Variants in CSMD1 observed in about 807,000 individuals in gnomAD.
The protein encoded by CSMD1 is CUB and sushi domain-containing protein 1.
CSMD1 carries 213 observed loss-of-function variants against 417.5 expected under a neutral mutation model. The observed-to-expected ratio is 0.51, with a 90% CI of 0.46 to 0.57. The LOEUF is 0.57. CSMD1 is among the 20% of genes least tolerant of loss of function. CSMD1 has a pLI of 0.00. For missense variants in CSMD1, 6,923 were observed against 4,529.7 expected, an observed-to-expected ratio of 1.53 and a Z score of -15.17; for synonymous variants, 2,862 against 1,736.8, an observed-to-expected ratio of 1.65 and a Z score of -16.11.
At chr8:4,384,872 T>C (rs1803342841) in intron 3 of CSMD1, among the ~76,000 whole-genome samples, 2 of 150,400 alleles carry the variant, frequency 1.3e-5, no homozygotes, top group South Asian at 4.4e-4. Flanking sequence ...CAAATACAAC[T>C]GCTCTAATTT....
At chr8:4,583,711 T>C (rs1158959415) in intron 2 of CSMD1, among the ~76,000 whole-genome samples, 4 of 152,044 alleles carry the variant, frequency 2.6e-5, no homozygotes, top group Admixed American at 1.3e-4. Flanking sequence ...TCAGGCATTG[T>C]AAACACACCA....
chr8:4,464,315 C>T (rs1202011131), intron 2 of CSMD1, among the ~76,000 whole-genome samples: 2 of 152,156 alleles, frequency 1.3e-5, no homozygotes, highest in Admixed American at 6.5e-5. Flanking sequence ...AGACGCTCTT[C>T]AACTTACAGT....
intron 26 of CSMD1, among the ~76,000 whole-genome samples, chr8:3,269,175 G>A (rs1801655714): frequency 6.6e-6 from 1 of 152,230 alleles, no homozygotes; most frequent in Admixed American, 6.5e-5. Flanking sequence ...TCTGTGTCAT[G>A]GACCAGGTGT....
chr8:4,837,122 T>G (rs1033734365), intron 1 of CSMD1, among the ~76,000 whole-genome samples: 1 of 152,070 alleles, frequency 6.6e-6, no homozygotes, highest in Non-Finnish European at 1.5e-5. Flanking sequence ...TGATTTCTAA[T>G]AGATCCAAAT....
At chr8:3,297,740 G>T (rs1035814894) in intron 25 of CSMD1, among the ~76,000 whole-genome samples, 1 of 152,136 alleles carries the variant, frequency 6.6e-6, no homozygotes, top group East Asian at 1.9e-4. Flanking sequence ...GCTTTGGGGA[G>T]GGAGGAGCTA....
chr8:4,713,371 G>T (rs1205952765), intron 1 of CSMD1, among the ~76,000 whole-genome samples: 1 of 132,830 alleles, frequency 7.5e-6, no homozygotes, highest in South Asian at 2.5e-4. Flanking sequence ...AGTCAGCTTT[G>T]TGTTTTTGTT....
chr8:3,018,538 C>T lies in CSMD1; in HGVS notation c.7968G>A (p.Gly2656=), dbSNP rs775421314. ...FTCNTGYTLV[G]SHVRECLANG... ...TTGCCAAGCACTCTCTGACATGAGA[C>T]CCCACAAGCGTGTAGCCGGTGTTGC... The change falls in exon 52 of 70, where the codon GGG becomes GGA. Residue 2656 remains glycine, a synonymous_variant. Transcript: ENST00000635120. 18 of 1,613,656 alleles carry T rather than the reference C, an allele frequency of 1.1e-5. No individual in the cohort carries two copies. Among genetic ancestry groups the T allele is most frequent in the Non-Finnish European group, 1.4e-5 (16 of 1,179,832 alleles).
Position 3,367,259 on chromosome 8 carries a change from A to C in CSMD1, c.2900-12T>G. 2.5e-6 allele frequency: 4 copies of C among 1,586,862 alleles called. No individual in the cohort carries two copies. Among genetic ancestry groups the C allele is most frequent in the Non-Finnish European group, 3.4e-6 (4 of 1,161,912 alleles). Reference sequence around the variant, plus strand: ...GATCATTTGAACTCCTGAGAAATGAAGCCGGGGGAGAGAGAGAGAGACAGA... The same window carrying C: ...GATCATTTGAACTCCTGAGAAATGACGCCGGGGGAGAGAGAGAGAGACAGA... On this transcript the variant is annotated splice_polypyrimidine_tract_variant and intron_variant, in intron 19 of 69. Coordinates refer to ENST00000635120, the MANE Select transcript of CSMD1 (RefSeq NM_033225.6).
intron 3 of CSMD1, among the ~76,000 whole-genome samples, chr8:4,058,097 G>A (rs1456715800): frequency 1.3e-5 from 2 of 152,042 alleles, no homozygotes; most frequent in African/African-American, 2.4e-5. Context: ...TGATGGGGAT[G>A]GCATTGAATC....
intron 3 of CSMD1, among the ~76,000 whole-genome samples, chr8:4,328,771 C>CA (rs1354315904): frequency 6.6e-6 from 1 of 152,152 alleles, no homozygotes; most frequent in Non-Finnish European, 1.5e-5. Context: ...TTTAAGTTAG[C>CA]AATCTGACAA....
intron 1 of CSMD1, among the ~76,000 whole-genome samples, chr8:4,935,179 C>T (rs1807522663): frequency 6.6e-6 from 1 of 152,210 alleles, no homozygotes; most frequent in Non-Finnish European, 1.5e-5. Flanking sequence ...CCCAGATGGG[C>T]CATGCTGTTT....
chr8:4,183,135 T>A (rs1486120828), intron 3 of CSMD1, among the ~76,000 whole-genome samples: 4 of 152,164 alleles, frequency 2.6e-5, no homozygotes, highest in Admixed American at 2.0e-4. Context: ...ATAATTTTAT[T>A]TCATTTTAAA....
At chr8:3,930,744 C>G (rs1390820394) in intron 5 of CSMD1, among the ~76,000 whole-genome samples, 1 of 150,392 alleles carries the variant, frequency 6.6e-6, no homozygotes, top group Non-Finnish European at 1.5e-5. Flanking sequence ...AATTTATGTT[C>G]AAGTGCTACT....
intron 33 of CSMD1, among the ~76,000 whole-genome samples, chr8:3,198,603 G>C (rs954156054): frequency 1.3e-5 from 2 of 152,142 alleles, no homozygotes; most frequent in South Asian, 2.1e-4. Context: ...TAACTGTTAA[G>C]CATCATCCTC....
intron 7 of CSMD1, among the ~76,000 whole-genome samples, chr8:3,634,923 C>T (rs191643258): frequency 5.3e-4 from 80 of 152,286 alleles, no homozygotes; most frequent in Non-Finnish European, 7.3e-5. Flanking sequence ...TGCTCCTAGG[C>T]TACAAACTCA....
intron 2 of CSMD1, among the ~76,000 whole-genome samples, chr8:4,428,547 T>C (rs1325396406): frequency 6.6e-6 from 1 of 152,198 alleles, no homozygotes; most frequent in Non-Finnish European, 1.5e-5. Context: ...TATGTTAACA[T>C]GTATTTTCCT....
chr8:4,149,120 C>A (rs1796436440), intron 3 of CSMD1, among the ~76,000 whole-genome samples: 4 of 152,134 alleles, frequency 2.6e-5, no homozygotes, highest in South Asian at 2.1e-4. Flanking sequence ...TGTACCACCA[C>A]ACCCAGCTAA....
At chr8:4,642,816 G>A in intron 1 of CSMD1, among the ~76,000 whole-genome samples, 1 of 152,186 alleles carries the variant, frequency 6.6e-6, no homozygotes, top group Non-Finnish European at 1.5e-5. Flanking sequence ...CTGTCTGAGA[G>A]CAAATGTTTG....
intron 27 of CSMD1, 40 bp from the exon 28 acceptor site, chr8:3,223,907 G>C (rs1798348004): frequency 1.2e-6 from 2 of 1,605,034 alleles, no homozygotes; most frequent in South Asian, 2.2e-5. Flanking sequence ...AGTAAGGACA[G>C]CGAAGAACGC....
Sources: allele counts gnomAD v4.1 joint callset (sites outside exome capture counted in the v4.1 genomes callset), GRCh38; gene constraint gnomAD v4.1.1; transcripts MANE v1.5; gene names NCBI Gene and HGNC (gene_info 2026-07-23, HGNC 2026-07-21).